EPB41L4A: variants seen among roughly 807,000 people sequenced by gnomAD.
EPB41L4A encodes band 4.1-like protein 4A.
EPB41L4A carries 100 observed loss-of-function variants against 108.6 expected under a neutral mutation model. The observed-to-expected ratio is 0.92, with a 90% CI of 0.78 to 1.09. EPB41L4A has a LOEUF of 1.09. EPB41L4A is among the 50% of genes least tolerant of loss of function. EPB41L4A has a pLI of 0.00. For missense variants in EPB41L4A, 1,030 were observed against 842.7 expected (o/e 1.22, Z -2.75); for synonymous variants, 319 against 289.0 (o/e 1.10, Z -1.05).
At chr5:112,205,399 T>C in intron 14 of EPB41L4A, 22 bp downstream of exon 14, 6 of 1,598,558 alleles carry the variant, frequency 3.8e-6, no homozygotes, top group Non-Finnish European at 5.1e-6. Context: ...GTCTCCTTTA[T>C]AAAAACAATG....
chr5:112,313,569 C>T (rs536076486), intron 1 of EPB41L4A, among the ~76,000 whole-genome samples: 114 of 152,120 alleles, frequency 7.5e-4, no homozygotes, highest in African/African-American at 2.1e-3. Flanking sequence ...GCAGCCTGGG[C>T]GACAGAGCGA....
intron 3 of EPB41L4A, among the ~76,000 whole-genome samples, chr5:112,279,421 A>G (rs1404390833): frequency 1.3e-5 from 2 of 152,218 alleles, no homozygotes; most frequent in Non-Finnish European, 2.9e-5. Flanking sequence ...CGTTTTGATT[A>G]GCAATAATTC....
intron 1 of EPB41L4A, among the ~76,000 whole-genome samples, chr5:112,399,762 G>T (rs1369916012): frequency 1.4e-4 from 21 of 152,120 alleles, no homozygotes; most frequent in Admixed American, 1.4e-3. Flanking sequence ...CACCTACCTA[G>T]TAACACCAAC....
chr5:112,206,403 T>C (rs886209803), intron 13 of EPB41L4A, among the ~76,000 whole-genome samples: 1 of 151,644 alleles, frequency 6.6e-6, no homozygotes, highest in Non-Finnish European at 1.5e-5. Context: ...ATACTATCCA[T>C]GATGGAATTA....
At chr5:112,335,610 C>A (rs1233953383) in intron 1 of EPB41L4A, among the ~76,000 whole-genome samples, 1 of 152,194 alleles carries the variant, frequency 6.6e-6, no homozygotes. Flanking sequence ...GACCATGGCT[C>A]TCCACCTCCA....
rs60638685 is a variant in EPB41L4A at position 112,345,780 on chromosome 5, TACACACACACACACACAC to T, written c.100-38308_100-38291del. 2.8e-4 allele frequency among the ~76,000 whole-genome samples: 21 copies of T among 74,658 alleles called. 1 individual carries two copies. Among genetic ancestry groups the T allele is most frequent in the Non-Finnish European group, 4.4e-4 (14 of 31,664 alleles). The allele number at this position is 74,658 out of a possible 152,430, so 49.0% of individuals were successfully genotyped here. A position where few individuals can be genotyped will look rare whatever the true frequency, so the allele number is the denominator to read the frequency against. Reference sequence around the variant, plus strand: ...ATATATATATATACATATATATATATACACACACACACACACACACACACACACACACACACACACACG... The same window carrying T: ...ATATATATATATACATATATATATATACACACACACACACACACACACACG... On this transcript the variant is annotated intron_variant, in intron 1 of 22. Coordinates refer to ENST00000261486, the MANE Select transcript of EPB41L4A (RefSeq NM_022140.5).
intron 1 of EPB41L4A, among the ~76,000 whole-genome samples, chr5:112,387,257 C>T (rs1760610424): frequency 1.3e-5 from 2 of 152,290 alleles, no homozygotes; most frequent in African/African-American, 4.8e-5. Flanking sequence ...GCTGCCCTCC[C>T]GGACCCTGTG....
At chr5:112,366,062 G>A (rs573800865) in intron 1 of EPB41L4A, among the ~76,000 whole-genome samples, 44 of 152,236 alleles carry the variant, frequency 2.9e-4, no homozygotes, top group African/African-American at 8.9e-4. Context: ...AAACTTAGCA[G>A]AAGGACAATT....
chr5:112,357,387 A>C (rs1411092458), intron 1 of EPB41L4A, among the ~76,000 whole-genome samples: 1 of 152,180 alleles, frequency 6.6e-6, no homozygotes, highest in East Asian at 1.9e-4. Flanking sequence ...TGGTATAAAG[A>C]GATTGGGCTC....
downstream of EPB41L4A, chr5:112,161,600 G>A (rs1430915434): frequency 1.9e-6 from 1 of 519,066 alleles, no homozygotes; most frequent in African/African-American, 1.9e-5. Context: ...TGGTGTAGGA[G>A]CTGCATAAGT....
In EPB41L4A at chr5:112,359,859, T is replaced by C. The variant is rs985128030; in HGVS notation, c.100-52369A>G. Among the ~76,000 whole-genome samples the C allele has an allele frequency of 5.3e-5, 8 of 152,216 alleles. 1 individual carries two copies. The highest frequency in any genetic ancestry group is 4.6e-4 in the Admixed American group (7 of 15,282). ...CCAGCCAAAAGTCTTGATGAGTTTATTTTAAAGGTAAGTTATCTATTACTT... is the reference window on the plus strand; with the variant it reads ...CCAGCCAAAAGTCTTGATGAGTTTACTTTAAAGGTAAGTTATCTATTACTT... On this transcript the variant is annotated intron_variant, in intron 1 of 22. Transcript: ENST00000261486.
intron 12 of EPB41L4A, among the ~76,000 whole-genome samples, chr5:112,231,557 G>A (rs968367666): frequency 9.9e-5 from 15 of 151,300 alleles, no homozygotes; most frequent in African/African-American, 2.9e-4. Context: ...AGGCCGAGGC[G>A]GGTGGATCAT....
intron 15 of EPB41L4A, among the ~76,000 whole-genome samples, chr5:112,203,302 G>A (rs1465855578): frequency 6.6e-6 from 1 of 152,122 alleles, no homozygotes; most frequent in Non-Finnish European, 1.5e-5. Context: ...TTTGCAGTGA[G>A]CCAAGATCAT....
chr5:112,206,259 C>A (rs1006035796), intron 13 of EPB41L4A, among the ~76,000 whole-genome samples: 7 of 152,010 alleles, frequency 4.6e-5, no homozygotes, highest in African/African-American at 1.5e-4. Flanking sequence ...CCACTTTTAA[C>A]CCTGGCTTTT....
chr5:112,274,582 G>A (rs571896503), intron 4 of EPB41L4A, among the ~76,000 whole-genome samples: 1 of 152,238 alleles, frequency 6.6e-6, no homozygotes, highest in Admixed American at 6.5e-5. Flanking sequence ...GAGGTATTAG[G>A]CTTTATTTTA....
chr5:112,353,921 G>C (rs755057837), intron 1 of EPB41L4A, among the ~76,000 whole-genome samples: 5 of 152,170 alleles, frequency 3.3e-5, no homozygotes, highest in African/African-American at 9.7e-5. Context: ...ATGCAGGCCT[G>C]TTCTCAGGAG....
intron 12 of EPB41L4A, among the ~76,000 whole-genome samples, chr5:112,230,321 G>A (rs779746402): frequency 6.6e-6 from 1 of 152,098 alleles, no homozygotes; most frequent in Admixed American, 6.5e-5. Context: ...TTTCCACAGT[G>A]GTTATTCTAG....
At chr5:112,283,340 C>T (rs1236103377) in intron 2 of EPB41L4A, among the ~76,000 whole-genome samples, 2 of 152,126 alleles carry the variant, frequency 1.3e-5, no homozygotes, top group African/African-American at 4.8e-5. Context: ...AAACACAAGT[C>T]ACCAGGTTTC....
chr5:112,357,358 A>G (rs1317495021), intron 1 of EPB41L4A, among the ~76,000 whole-genome samples: 1 of 147,812 alleles, frequency 6.8e-6, no homozygotes, highest in Non-Finnish European at 1.5e-5. Context: ...CTTTACAGAA[A>G]TGTTCTATCA....
Sources: allele counts gnomAD v4.1 joint callset (sites outside exome capture counted in the v4.1 genomes callset), GRCh38; gene constraint gnomAD v4.1.1; transcripts MANE v1.5; gene names NCBI Gene and HGNC (gene_info 2026-07-23, HGNC 2026-07-21).